CRIM1: variants seen among roughly 807,000 people sequenced by gnomAD.
CRIM1 encodes the protein cysteine rich transmembrane BMP regulator 1.
Under a neutral mutation model 116.4 loss-of-function variants are expected in CRIM1, and 32 were observed. The ratio of observed to expected loss-of-function variants is 0.27; its 90% CI spans 0.21 to 0.37. The LOEUF is 0.37. Ranked by LOEUF, CRIM1 falls within the 10% of genes least tolerant of loss-of-function variation. The pLI is 1.00. For missense variants in CRIM1, 1,331 were observed against 1,354.8 expected (o/e 0.98, Z 0.28); for synonymous variants, 590 against 509.2 (o/e 1.16, Z -2.13).
chr2:36,494,810 A>C (rs1290161077), intron 7 of CRIM1, among the ~76,000 whole-genome samples: 1 of 152,180 alleles, frequency 6.6e-6, no homozygotes, highest in Non-Finnish European at 1.5e-5. Flanking sequence ...AAGACAGTGA[A>C]TTCCTGCTGT....
intron 1 of CRIM1, among the ~76,000 whole-genome samples, chr2:36,396,089 T>G (rs1454091235): frequency 6.6e-6 from 1 of 152,148 alleles, no homozygotes; most frequent in Non-Finnish European, 1.5e-5. Context: ...TGTTTTGTTT[T>G]TGTAGAGACT....
chr2:36,395,470 GATA>G (rs1228759302), intron 1 of CRIM1, among the ~76,000 whole-genome samples: 1 of 152,144 alleles, frequency 6.6e-6, no homozygotes, highest in African/African-American at 2.4e-5. Flanking sequence ...ATCTGTTAAA[GATA>G]ATGTTAAGTG....
In CRIM1 at chr2:36,397,027, G is replaced by A. The variant is rs74379109; in HGVS notation, c.505+240G>A. 7.1e-3 allele frequency among the ~76,000 whole-genome samples: 1,084 copies of A among 152,216 alleles called. 18 individuals are homozygous for A. Among genetic ancestry groups the A allele is most frequent in the Middle Eastern group, 0.041 (12 of 294 alleles). On this transcript the variant is annotated intron_variant, in intron 2 of 16. Coordinates refer to ENST00000280527, the MANE Select transcript of CRIM1 (RefSeq NM_016441.3). Reference sequence around the variant, plus strand: ...AGGGCCCTCTGTGCCAGCCCTCCTAGGCCACCTCTGCATAATGGATGATTT... The same window carrying A: ...AGGGCCCTCTGTGCCAGCCCTCCTAAGCCACCTCTGCATAATGGATGATTT...
chr2:36,433,751 C>G, intron 2 of CRIM1, among the ~76,000 whole-genome samples: 1 of 152,262 alleles, frequency 6.6e-6, no homozygotes, highest in South Asian at 2.1e-4. Flanking sequence ...AATCACGTTA[C>G]AGTCTTACAG....
At chr2:36,504,449 G>A (rs1379624317) in intron 8 of CRIM1, among the ~76,000 whole-genome samples, 1 of 152,142 alleles carries the variant, frequency 6.6e-6, no homozygotes, top group Non-Finnish European at 1.5e-5. Flanking sequence ...ATAGAAACAT[G>A]TGCTTCAAAA....
In CRIM1 at chr2:36,427,720, A is replaced by T. The variant is rs560430346; in HGVS notation, c.506-13538A>T. Among the ~76,000 whole-genome samples, 25 of 152,342 alleles carry T rather than the reference A, an allele frequency of 1.6e-4. No homozygotes were observed. In the East Asian group the frequency reaches 3.9e-3, roughly 23 times the overall value. On this transcript the variant is annotated intron_variant, in intron 2 of 16. Transcript: ENST00000280527. ...GTTGTTACAGAGAAGTCCCTATGGT[A>T]TGGAGGCCCTAGGTTGTTCCTCATG...
chr2:36,389,463 A>C (rs1353381216), intron 1 of CRIM1, among the ~76,000 whole-genome samples: 3 of 152,178 alleles, frequency 2.0e-5, no homozygotes, highest in African/African-American at 7.2e-5. Flanking sequence ...TGGAGAATTA[A>C]TTTGATATAT....
chr2:36,479,326 T>C (rs1165830996), intron 6 of CRIM1, among the ~76,000 whole-genome samples, 171 bp from the exon 7 acceptor site: 8 of 152,162 alleles, frequency 5.3e-5, no homozygotes, highest in Non-Finnish European at 1.0e-4. Context: ...GTGTGACAGC[T>C]TCTTTTGCAT....
chr2:36,374,200 C>T (rs983821762), intron 1 of CRIM1, among the ~76,000 whole-genome samples: 1 of 152,172 alleles, frequency 6.6e-6, no homozygotes, highest in Non-Finnish European at 1.5e-5. Flanking sequence ...GGCCTTGCCT[C>T]GTGAAAGGAG....
At chr2:36,443,163 C>T (rs1037618522) in intron 4 of CRIM1, among the ~76,000 whole-genome samples, 5 of 152,174 alleles carry the variant, frequency 3.3e-5, no homozygotes, top group Non-Finnish European at 7.4e-5. Flanking sequence ...CACACATCTA[C>T]CCAGACCCAT....
intron 1 of CRIM1, among the ~76,000 whole-genome samples, chr2:36,379,555 C>A (rs980183165): frequency 3.1e-4 from 47 of 152,100 alleles, no homozygotes; most frequent in African/African-American, 1.1e-3. Context: ...GTGCAGTCTT[C>A]CGAACAGAGC....
intron 2 of CRIM1, among the ~76,000 whole-genome samples, chr2:36,423,489 T>A (rs886430852): frequency 3.5e-4 from 53 of 152,338 alleles, no homozygotes; most frequent in African/African-American, 1.2e-3. Context: ...TAATGTGCAA[T>A]TCATTGTGTA....
intron 1 of CRIM1, among the ~76,000 whole-genome samples, chr2:36,392,112 A>G (rs1256340191): frequency 6.6e-6 from 1 of 152,174 alleles, no homozygotes. Context: ...AAAAAGTGTT[A>G]TATTTCAAGA....
Position 36,479,614 on chromosome 2 carries a change from G to C in CRIM1, c.1292G>C (p.Arg431Pro). ...TTCTGCCAGTGCGTCAACGGTGAAC[G>C]CCACTGCGTTGCGACCGTCTGCGGA... Reference protein sequence around the residue: ...CTFCQCVNGERHCVATVCGQT... With the variant: ...CTFCQCVNGEPHCVATVCGQT... The change falls in exon 7 of 17, where the codon CGC becomes CCC. Residue 431 changes from arginine (R) to proline (P), a missense_variant. This residue lies in a region of CRIM1 where 690 missense variants were observed against 676.0 expected (regional missense o/e 1.02). Transcript: ENST00000280527. The C allele has an allele frequency of 1.9e-6, 3 of 1,614,218 alleles. 1 individual carries two copies. Among genetic ancestry groups the C allele is most frequent in the Non-Finnish European group, 1.7e-6 (2 of 1,180,036 alleles).
intron 8 of CRIM1, among the ~76,000 whole-genome samples, chr2:36,503,936 A>G (rs1681195121): frequency 6.6e-6 from 1 of 151,832 alleles, no homozygotes; most frequent in Non-Finnish European, 1.5e-5. Context: ...AGTGGTGCAA[A>G]CACAGCTCAC....
chr2:36,467,721 A>G (rs1329085769), intron 5 of CRIM1, among the ~76,000 whole-genome samples: 2 of 152,268 alleles, frequency 1.3e-5, no homozygotes, highest in Non-Finnish European at 2.9e-5. Flanking sequence ...TATACAGTCC[A>G]TCAGTGCCTA....
chr2:36,499,224 A>G lies in CRIM1; in HGVS notation c.1378A>G (p.Thr460Ala), dbSNP rs770500528. The G allele has an allele frequency of 3.2e-5, 52 of 1,609,476 alleles. 1 individual carries two copies. Among genetic ancestry groups the G allele is most frequent in the Non-Finnish European group, 3.6e-5 (42 of 1,176,168 alleles). Residue 460 changes from threonine (T) to alanine (A), a missense_variant, in exon 8 of 17, where the codon ACC (threonine) becomes GCC (alanine). Thr to Ala is a moderately conservative substitution (Grantham distance 58). Coordinates refer to ENST00000280527, the MANE Select transcript of CRIM1 (RefSeq NM_016441.3). ...TTTTCTCTATTTATTATTAGAACCAACCATCATCACAGTTGATCCACCTGC... is the reference window on the plus strand; with the variant it reads ...TTTTCTCTATTTATTATTAGAACCAGCCATCATCACAGTTGATCCACCTGC... ...GECCPVCEEP[T>A]IITVDPPACG...
chr2:36,406,622 T>TCCC (rs77778781), intron 2 of CRIM1, among the ~76,000 whole-genome samples: 4 of 106,040 alleles, frequency 3.8e-5, no homozygotes, highest in African/African-American at 1.5e-4. Flanking sequence ...ATTTGACCCC[T>TCCC]CCCCCCCCCC....
intron 14 of CRIM1, among the ~76,000 whole-genome samples, chr2:36,542,043 A>T (rs1558419911): frequency 6.6e-6 from 1 of 152,120 alleles, no homozygotes; most frequent in Admixed American, 6.5e-5. Flanking sequence ...CTTCCCTTGG[A>T]CTTGAGGACT....
Sources: gnomAD v4.1 joint callset for allele counts (sites outside exome capture counted in the v4.1 genomes callset) on GRCh38, gnomAD v4.1.1 for gene constraint, gnomAD v4.1.1 regional missense constraint, MANE v1.5 for transcripts, NCBI Gene and HGNC (gene_info 2026-07-23, HGNC 2026-07-21) for gene names.